LOC112694756: variants seen among roughly 807,000 people sequenced by gnomAD.
chr16:30,060,853 A>C, the LOC112694756 span, among the ~76,000 whole-genome samples: 1 of 152,118 alleles, frequency 6.6e-6, no homozygotes, highest in Non-Finnish European at 1.5e-5. Flanking sequence ...AGTTCTGTTG[A>C]CAGTAGCACA....
chr16:30,055,047 G>A, the LOC112694756 span: 1 of 398,676 alleles, frequency 2.5e-6, no homozygotes, highest in Non-Finnish European at 4.4e-6. Flanking sequence ...GCATCTATCC[G>A]TTTTGTGGTA....
chr16:30,070,335 T>A, the LOC112694756 span: 1 of 851,236 alleles, frequency 1.2e-6, no homozygotes, highest in Non-Finnish European at 2.0e-6. Context: ...CTCGTGACAG[T>A]GGTGTGTGGT....
chr16:30,056,411 A>G, the LOC112694756 span, among the ~76,000 whole-genome samples: 1 of 152,194 alleles, frequency 6.6e-6, no homozygotes, highest in East Asian at 1.9e-4. Context: ...TATTATTTAC[A>G]AAGTATACAT....
the LOC112694756 span, chr16:30,067,041 A>T: frequency 3.8e-6 from 6 of 1,578,206 alleles, no homozygotes. Flanking sequence ...TAGGAAAGGT[A>T]CAGGGGCAGG....
At chr16:30,062,835 C>T in the LOC112694756 span, among the ~76,000 whole-genome samples, 8 of 146,088 alleles carry the variant, frequency 5.5e-5, no homozygotes, top group Non-Finnish European at 1.0e-4. Context: ...AGTGAAACTC[C>T]ATCTCGGAAA....
chr16:30,064,383 G>T, the LOC112694756 span: 1 of 398,786 alleles, frequency 2.5e-6, no homozygotes, highest in Non-Finnish European at 4.4e-6. Context: ...TGGCAGGGAG[G>T]CCACGTGATC....
chr16:30,061,774 G>A, the LOC112694756 span, among the ~76,000 whole-genome samples: 1 of 151,134 alleles, frequency 6.6e-6, no homozygotes, highest in Admixed American at 6.6e-5. Context: ...TGGCCCAGCT[G>A]GTCCTGAATT....
chr16:30,067,484 C>T, the LOC112694756 span: 49 of 1,613,198 alleles, frequency 3.0e-5, no homozygotes, highest in East Asian at 2.7e-4. Context: ...CCATTGGCAC[C>T]GAGAACACCG....
chr16:30,069,481 G>T, the LOC112694756 span: 1 of 1,614,060 alleles, frequency 6.2e-7, no homozygotes, highest in Non-Finnish European at 8.5e-7. Context: ...TACCCACCGT[G>T]CGCCTGCTCT....
chr16:30,062,009 CCTGA>C, the LOC112694756 span, among the ~76,000 whole-genome samples: 1 of 150,656 alleles, frequency 6.6e-6, no homozygotes, highest in Non-Finnish European at 1.5e-5. Flanking sequence ...TCGAGACCAG[CCTGA>C]CTAACATGGT....
At chr16:30,054,514 G>C in the LOC112694756 span, 1 of 293,348 alleles carries the variant, frequency 3.4e-6, no homozygotes, top group African/African-American at 2.2e-5. Context: ...TCAGAGACAA[G>C]AGATCTCTTT....
At chr16:30,059,366 C>T in the LOC112694756 span, among the ~76,000 whole-genome samples, 1 of 151,258 alleles carries the variant, frequency 6.6e-6, no homozygotes, top group African/African-American at 2.4e-5. Context: ...GGCGTGGTGG[C>T]GGGCGCCTGT....
chr16:30,064,729 C>G, the LOC112694756 span: 1 of 356,334 alleles, frequency 2.8e-6, no homozygotes, highest in Non-Finnish European at 5.0e-6. Context: ...AGCCCGGGAA[C>G]CCCTAGCTCA....
At chr16:30,063,827 G>T in the LOC112694756 span, 2 of 399,092 alleles carry the variant, frequency 5.0e-6, no homozygotes, top group African/African-American at 2.1e-5. Context: ...TCTGCTTCGA[G>T]ATCAAGCTCC....
the LOC112694756 span, chr16:30,064,649 G>A: frequency 1.0e-5 from 4 of 394,194 alleles, no homozygotes; most frequent in African/African-American, 8.2e-5. Context: ...GATCCGTGGC[G>A]GGAAAAGGGC....
At chr16:30,058,065 C>T in the LOC112694756 span, among the ~76,000 whole-genome samples, 1 of 152,194 alleles carries the variant, frequency 6.6e-6, no homozygotes, top group African/African-American at 2.4e-5. Flanking sequence ...GCCAGGGACT[C>T]ATCACCTCCT....
the LOC112694756 span, among the ~76,000 whole-genome samples, chr16:30,057,089 T>TA: frequency 6.6e-6 from 1 of 152,016 alleles, no homozygotes. Context: ...TTTGTATTTT[T>TA]AGTAGAGACA....
chr16:30,063,279 T>C, the LOC112694756 span, among the ~76,000 whole-genome samples: 1 of 152,244 alleles, frequency 6.6e-6, no homozygotes, highest in Non-Finnish European at 1.5e-5. Flanking sequence ...CCCTCTATTT[T>C]GGTCTCATGC....
chr16:30,056,400 GTAT>G, the LOC112694756 span, among the ~76,000 whole-genome samples: 17 of 152,160 alleles, frequency 1.1e-4, no homozygotes, highest in East Asian at 3.3e-3. Context: ...ATTACAAAAA[GTAT>G]TATTTACAAA....
Sources: gnomAD v4.1 joint callset for allele counts (sites outside exome capture counted in the v4.1 genomes callset) on GRCh38, gnomAD v4.1.1 for gene constraint, MANE v1.5 for transcripts.